Variants in DENND5A observed in about 807,000 individuals in gnomAD.
The protein encoded by DENND5A is DENN domain containing 5A.
DENND5A carries 64 observed loss-of-function variants against 140.3 expected under a neutral mutation model. The ratio of observed to expected loss-of-function variants is 0.46; its 90% CI spans 0.37 to 0.56. The LOEUF is 0.56. Ranked by LOEUF, DENND5A falls within the 20% of genes least tolerant of loss-of-function variation. The pLI is 0.00. For missense variants in DENND5A, 1,292 were observed against 1,593.8 expected (o/e 0.81, Z 3.22); for synonymous variants, 605 against 607.7 (o/e 1.00, Z 0.07).
rs756259803 is a variant in DENND5A at position 9,193,531 on chromosome 11, C to T, written c.1100G>A (p.Gly367Asp). Reference protein sequence around the residue: ...VPYLMGLHSNGLDDRSKLELP... With the variant: ...VPYLMGLHSNDLDDRSKLELP... ...CTCCAGCTTTGACCGGTCATCCAGG[C>T]CATTGGAATGCAAACCCATCAGGTA... The change falls in exon 5 of 23, where the codon GGC becomes GAC. Residue 367 changes from glycine to aspartate, a missense_variant. Physicochemically the swap from Gly to Asp is moderately conservative, Grantham distance 94 (BLOSUM62 -1). Coordinates refer to ENST00000328194, the MANE Select transcript of DENND5A (RefSeq NM_015213.4). 6.2e-7 allele frequency: 1 copy of T among 1,612,886 alleles called. No individual in the cohort carries two copies. Among genetic ancestry groups the T allele is most frequent in the Non-Finnish European group, 8.5e-7 (1 of 1,179,520 alleles).
chr11:9,147,209 A>G, intron 15 of DENND5A, 58 bp from the exon 16 acceptor site: 1 of 1,586,538 alleles, frequency 6.3e-7, no homozygotes, highest in African/African-American at 1.4e-5. Flanking sequence ...AAGAAACTAG[A>G]ATTTTCAGTT....
At chr11:9,202,973 A>C (rs539446610) in intron 4 of DENND5A, among the ~76,000 whole-genome samples, 1 of 152,282 alleles carries the variant, frequency 6.6e-6, no homozygotes, top group Non-Finnish European at 1.5e-5. Flanking sequence ...ATATTTATTT[A>C]ATCACCTCTC....
rs1351701307 is a variant in DENND5A, at chr11:9,180,939, C to A, written c.1283G>T (p.Cys428Phe). ...FGIPPEGNLH[C>F]SESASKLKRL... is the part of the protein sequence containing the mutation. ...CTTCAGCTTGGAGGCACTCTCACTG[C>A]AATGAAGATTCCCTTCAGGGGGAAT... is the stretch of plus-strand genomic sequence containing the variant. The change falls in exon 6 of 23, where the codon TGC becomes TTC. Residue 428 changes from cysteine (C) to phenylalanine (F), a missense_variant. Cys to Phe is a radical substitution (Grantham distance 205). This residue lies in a region of DENND5A where 566 missense variants were observed against 650.4 expected (regional missense o/e 0.87). Coordinates refer to ENST00000328194, the MANE Select transcript of DENND5A (RefSeq NM_015213.4). The A allele has an allele frequency of 6.2e-7, 1 of 1,614,048 alleles. No individual in the cohort carries two copies. Among genetic ancestry groups the A allele is most frequent in the African/African-American group, 1.3e-5 (1 of 74,916 alleles).
chr11:9,152,152 G>A (rs1847637729), intron 13 of DENND5A, among the ~76,000 whole-genome samples: 1 of 152,198 alleles, frequency 6.6e-6, no homozygotes, highest in Non-Finnish European at 1.5e-5. Flanking sequence ...CCGATAAAAA[G>A]GGTATAGAAA....
In DENND5A at chr11:9,208,025, T is replaced by G. The variant is rs148481334; in HGVS notation, c.110-393A>C. ...TTGCTTTTCCTAAGGAATTAGGGAG[T>G]GTGGGACAAATTAAATGCATATAAA... On this transcript the variant is annotated intron_variant, in intron 1 of 22. Coordinates refer to ENST00000328194, the MANE Select transcript of DENND5A (RefSeq NM_015213.4). Among the ~76,000 whole-genome samples the G allele has an allele frequency of 4.6e-5, 7 of 152,218 alleles. No homozygotes were observed. The East Asian group carries it at 1.2e-3, about 25-fold the overall frequency.
At chr11:9,227,258 C>T (rs1850571337) in intron 1 of DENND5A, among the ~76,000 whole-genome samples, 1 of 152,044 alleles carries the variant, frequency 6.6e-6, no homozygotes. Context: ...CACCATGGGA[C>T]TTATAAAGAC....
intron 8 of DENND5A, among the ~76,000 whole-genome samples, chr11:9,177,319 C>G (rs965224499): frequency 5.3e-5 from 8 of 149,708 alleles, no homozygotes; most frequent in Non-Finnish European, 1.2e-4. Context: ...CCGGCATCAA[C>G]CTTCCCCTCT....
intron 1 of DENND5A, among the ~76,000 whole-genome samples, chr11:9,243,393 G>A (rs945374885): frequency 6.6e-6 from 1 of 152,088 alleles, no homozygotes; most frequent in Admixed American, 6.6e-5. Context: ...AACAAAGAAA[G>A]GGATTACACA....
At chr11:9,231,380 C>CAGCA (rs1412274825) in intron 1 of DENND5A, among the ~76,000 whole-genome samples, 3 of 152,188 alleles carry the variant, frequency 2.0e-5, no homozygotes, top group Admixed American at 2.0e-4. Flanking sequence ...AGGGACCACC[C>CAGCA]AGCAGCCTCT....
In DENND5A at chr11:9,195,008, C is replaced by T. The variant is rs548607928; in HGVS notation, c.950-1327G>A. On this transcript the variant is annotated intron_variant, in intron 4 of 22. Coordinates refer to ENST00000328194, the MANE Select transcript of DENND5A (RefSeq NM_015213.4). ...CTGGGATTACAGGTGTGAGCCACCGCGCCCAGCCAGCCTTTTTTTTTTTTT... is the reference window on the plus strand; with the variant it reads ...CTGGGATTACAGGTGTGAGCCACCGTGCCCAGCCAGCCTTTTTTTTTTTTT... Among the ~76,000 whole-genome samples, 22 of 148,352 alleles carry T rather than the reference C, an allele frequency of 1.5e-4. 1 individual carries two copies. The highest frequency in any genetic ancestry group is 2.2e-4 in the Non-Finnish European group (15 of 67,346).
rs752185972 is a variant in DENND5A at position 9,145,436 on chromosome 11, G to A, written c.3003+234C>T. ...GACTTCTCAACACACTATGCATGGA[G>A]AGATGTGCATGTCCAGACAAGTAAG... is the stretch of plus-strand genomic sequence containing the variant. On this transcript the variant is annotated intron_variant, in intron 17 of 22. Coordinates refer to ENST00000328194, the MANE Select transcript of DENND5A (RefSeq NM_015213.4). 1.1e-4 allele frequency: 63 copies of A among 597,964 alleles called. 2 individuals are homozygous for A. The highest frequency in any genetic ancestry group is 5.1e-4 in the Admixed American group (17 of 33,526). 37.0% of individuals were successfully genotyped at this position (597,964 alleles called of 1,614,324 possible). A position where few individuals can be genotyped will look rare whatever the true frequency, so the allele number is the denominator to read the frequency against.
Position 9,145,830 on chromosome 11 carries a change from C to A in DENND5A, c.2858-15G>T. The A allele has an allele frequency of 6.2e-7, 1 of 1,613,864 alleles. No individual in the cohort carries two copies. Among genetic ancestry groups the A allele is most frequent in the Non-Finnish European group, 8.5e-7 (1 of 1,179,846 alleles). On this transcript the variant is annotated splice_polypyrimidine_tract_variant and intron_variant, in intron 16 of 22. Transcript: ENST00000328194. ...GTACGGGATCACTGTTTAGGGGAAG[C>A]CACAAAAGTATTGAGGAGAATTAGG...
At chr11:9,148,935 C>T (rs1052295370) in intron 15 of DENND5A, among the ~76,000 whole-genome samples, 3 of 152,152 alleles carry the variant, frequency 2.0e-5, no homozygotes, top group Non-Finnish European at 4.4e-5. Context: ...AAACTGTGTG[C>T]ATGCAAAGAA....
chr11:9,242,138 C>G (rs1483509938), intron 1 of DENND5A, among the ~76,000 whole-genome samples: 1 of 151,604 alleles, frequency 6.6e-6, no homozygotes, highest in Non-Finnish European at 1.5e-5. Flanking sequence ...ATGTAAATTA[C>G]TGGTTCATTA....
intron 11 of DENND5A, 62 bp downstream of exon 11, chr11:9,165,774 T>A: frequency 6.3e-7 from 1 of 1,590,402 alleles, no homozygotes; most frequent in Non-Finnish European, 8.6e-7. Flanking sequence ...TCAGAGCCAA[T>A]CCTTGGTCTT....
intron 5 of DENND5A, among the ~76,000 whole-genome samples, chr11:9,188,519 A>G (rs1436023189): frequency 1.3e-5 from 2 of 152,230 alleles, no homozygotes; most frequent in Non-Finnish European, 2.9e-5. Flanking sequence ...AAAATGTGGG[A>G]AAGTTTGGAA....
rs764709855 is a variant in DENND5A, at chr11:9,165,929, G to C, written c.2190C>G (p.Ile730Met). The change falls in exon 11 of 23, where the codon ATC becomes ATG. Residue 730 changes from isoleucine (I) to methionine (M), a missense_variant. Coordinates refer to ENST00000328194, the MANE Select transcript of DENND5A (RefSeq NM_015213.4). ...IQEARTMGST[I>M]RQPKLSNLSP... is the part of the protein sequence containing the mutation. ...AGAGGTTGGACAGTTTGGGCTGGCG[G>C]ATAGTGCTGCCCATAGTCCTGGCTT... The C allele has an allele frequency of 6.2e-7, 1 of 1,614,116 alleles. No homozygotes were observed. Among genetic ancestry groups the C allele is most frequent in the Non-Finnish European group, 8.5e-7 (1 of 1,179,976 alleles).
intron 12 of DENND5A, among the ~76,000 whole-genome samples, chr11:9,155,767 T>A (rs780245576): frequency 2.6e-5 from 4 of 152,204 alleles, no homozygotes; most frequent in Non-Finnish European, 4.4e-5. Flanking sequence ...CTCTATCTGA[T>A]AGAAAAACAT....
rs113130958 is a variant in DENND5A, at chr11:9,182,636, T to C, written c.1138-1552A>G. Among the ~76,000 whole-genome samples the C allele has an allele frequency of 2.5e-3, 384 of 152,354 alleles. 2 individuals carry two copies. The highest frequency in any genetic ancestry group is 8.7e-3 in the African/African-American group (363 of 41,590). On this transcript the variant is annotated intron_variant, in intron 5 of 22. Transcript: ENST00000328194. ...ATATGGATGAGCCTGGAGCATATTA[T>C]GTTAAGTGAAATAAGCTAGGCACAG...
Sources: allele counts gnomAD v4.1 joint callset (sites outside exome capture counted in the v4.1 genomes callset), GRCh38; gene constraint gnomAD v4.1.1; regional missense constraint gnomAD v4.1.1; transcripts MANE v1.5; gene names NCBI Gene and HGNC (gene_info 2026-07-23, HGNC 2026-07-21).